COBL: variants seen among roughly 807,000 people sequenced by gnomAD.
COBL encodes protein cordon-bleu.
Under a neutral mutation model 98.8 loss-of-function variants are expected in COBL, and 51 were observed. That is an observed-to-expected ratio of 0.52 (90% CI 0.41 to 0.65). COBL has a LOEUF of 0.65. COBL is among the 30% of genes least tolerant of loss of function. COBL has a pLI of 0.00. For synonymous variants in COBL, 634 were observed against 651.7 expected, an observed-to-expected ratio of 0.97 and a Z score of 0.41; for missense variants, 1,617 against 1,617.5, an observed-to-expected ratio of 1.00 and a Z score of 0.01.
intron 1 of COBL, among the ~76,000 whole-genome samples, chr7:51,263,169 T>C (rs1473432101): frequency 6.6e-6 from 1 of 152,148 alleles, no homozygotes; most frequent in Non-Finnish European, 1.5e-5. Flanking sequence ...AGGGTGGCCC[T>C]GGGAGCAGGT....
chr7:51,034,136 C>T (rs1788404808), intron 8 of COBL: 1 of 152,590 alleles, frequency 6.6e-6, no homozygotes. Flanking sequence ...AGAGGTTGCC[C>T]CGGACGCTGC....
chr7:51,107,045 C>A (rs1477499882), intron 6 of COBL, among the ~76,000 whole-genome samples: 1 of 150,912 alleles, frequency 6.6e-6, no homozygotes, highest in Non-Finnish European at 1.5e-5. Flanking sequence ...GCTTACATAT[C>A]CCTCACCTCA....
intron 5 of COBL, among the ~76,000 whole-genome samples, chr7:51,162,214 T>A (rs1786891357): frequency 6.6e-6 from 1 of 152,158 alleles, no homozygotes; most frequent in African/African-American, 2.4e-5. Context: ...GGAAAATCAA[T>A]ACTGACCATG....
rs765992520 is a variant in COBL, at chr7:51,028,080, C to A, written c.3016G>T (p.Ala1006Ser). The A allele has an allele frequency of 6.2e-7, 1 of 1,613,596 alleles. No individual in the cohort carries two copies. The highest frequency in any genetic ancestry group is 1.1e-5 in the South Asian group (1 of 90,946). Residue 1006 changes from alanine to serine, a missense_variant, in exon 10 of 13, where the codon GCC becomes TCC. By Grantham distance (99) the Ala-to-Ser change is moderately conservative. Transcript: ENST00000265136. ...CGTCTGGGCTCAGATGCTGAGCTGG[C>A]CTCCTGGCTACTTGTGCTTTGCTTT... ...SGKQSTSSQE[A>S]SSASEPRRAP...
At chr7:51,145,924 T>G (rs1014222324) in intron 5 of COBL, among the ~76,000 whole-genome samples, 2 of 152,158 alleles carry the variant, frequency 1.3e-5, no homozygotes, top group African/African-American at 4.8e-5. Flanking sequence ...TTACTCCCAC[T>G]AGGCATCTGT....
chr7:51,208,044 C>T (rs969133518), intron 2 of COBL, among the ~76,000 whole-genome samples: 19 of 151,522 alleles, frequency 1.3e-4, no homozygotes, highest in African/African-American at 4.6e-4. Context: ...TGCCTGGCCG[C>T]CCATTGTCTG....
chr7:51,262,038 G>C (rs1042175351), intron 1 of COBL, among the ~76,000 whole-genome samples: 1 of 152,216 alleles, frequency 6.6e-6, no homozygotes, highest in Non-Finnish European at 1.5e-5. Context: ...TGCCAGGAGA[G>C]GGGTTGGGAT....
rs1438689262 is a variant in COBL, at chr7:51,028,335, C to CT, written c.2760dup (p.Glu921ArgfsTer31). On this transcript the variant is annotated frameshift_variant, in exon 10 of 13. Transcript: ENST00000265136. LOFTEE classifies it high-confidence loss of function. ...GCACCATCCTTCCATCCTTGTGTCT[C>CT]TGAGTGTGGGCTGGATGTCCTGTCA... 1 of 1,614,254 alleles carries CT rather than the reference C, an allele frequency of 6.2e-7. No individual in the cohort carries two copies. Among genetic ancestry groups the CT allele is most frequent in the South Asian group, 1.1e-5 (1 of 91,092 alleles).
rs544687039 is a variant in COBL, at chr7:51,278,418, T to G, written c.41+38175A>C. On this transcript the variant is annotated intron_variant, in intron 1 of 12. Coordinates refer to ENST00000265136, the MANE Select transcript of COBL (RefSeq NM_015198.5). ...TTTTTTGAGACACAGTCTCACTCTG[T>G]CGCCAGGCTGGAGTGCAATGGCGCG... 2.7e-5 allele frequency among the ~76,000 whole-genome samples: 4 copies of G among 149,428 alleles called. No individual in the cohort carries two copies. In the East Asian group the frequency reaches 8.0e-4, roughly 30 times the overall value.
chr7:51,245,760 C>T (rs1796229826), intron 1 of COBL, among the ~76,000 whole-genome samples: 1 of 152,056 alleles, frequency 6.6e-6, no homozygotes, highest in South Asian at 2.1e-4. Flanking sequence ...TAGCTAAAAG[C>T]AAGGCTGGGA....
intron 6 of COBL, among the ~76,000 whole-genome samples, chr7:51,120,736 G>GTT (rs1206574438): frequency 6.6e-6 from 1 of 152,012 alleles, no homozygotes. Flanking sequence ...CATGGCATTT[G>GTT]TGTATTTGTC....
At chr7:51,243,976 T>A (rs1268129190) in intron 1 of COBL, among the ~76,000 whole-genome samples, 1 of 152,144 alleles carries the variant, frequency 6.6e-6, no homozygotes, top group Non-Finnish European at 1.5e-5. Flanking sequence ...TAACCTCCTG[T>A]GAATCTTCAA....
At chr7:51,195,502 T>C (rs1790510385) in intron 2 of COBL, among the ~76,000 whole-genome samples, 1 of 152,158 alleles carries the variant, frequency 6.6e-6, no homozygotes, top group Non-Finnish European at 1.5e-5. Context: ...TTTGGGTTTG[T>C]TTTTTGGTTC....
intron 11 of COBL, 47 bp downstream of exon 11, chr7:51,026,499 G>A: frequency 6.2e-7 from 1 of 1,602,164 alleles, no homozygotes; most frequent in Non-Finnish European, 8.5e-7. Context: ...AAGAAGGGGT[G>A]GGTGGGTTTG....
At chr7:51,075,049 G>C (rs1792932822) in intron 7 of COBL, among the ~76,000 whole-genome samples, 1 of 152,158 alleles carries the variant, frequency 6.6e-6, no homozygotes, top group South Asian at 2.1e-4. Context: ...CAGACAGTAA[G>C]ATGAGAATAA....
In COBL at chr7:51,153,044, G is replaced by A. The variant is rs180813029; in HGVS notation, c.784-16713C>T. The stretch of plus-strand genomic sequence containing the variant: ...TATCACTAGCCTACTATTGTATATC[G>A]TAAGGTTAAATTCATACATAGTTAG... On this transcript the variant is annotated intron_variant, in intron 5 of 12. Transcript: ENST00000265136. 1.3e-4 allele frequency among the ~76,000 whole-genome samples: 20 copies of A among 152,242 alleles called. No individual in the cohort carries two copies. In the East Asian group the frequency reaches 2.7e-3, roughly 21 times the overall value.
chr7:51,259,322 G>T, intron 1 of COBL: 1 of 192,162 alleles, frequency 5.2e-6, no homozygotes, highest in Non-Finnish European at 1.0e-5. Context: ...CCAATCTCAC[G>T]GTTACTAATA....
intron 1 of COBL, among the ~76,000 whole-genome samples, chr7:51,266,752 C>T (rs1369032131): frequency 6.6e-6 from 1 of 152,174 alleles, no homozygotes; most frequent in African/African-American, 2.4e-5. Flanking sequence ...CAAGCACCCA[C>T]ACACAGTTTT....
rs566675723 is a variant in COBL at position 51,181,903 on chromosome 7, C to T, written c.783+2199G>A. Among the ~76,000 whole-genome samples, 12 of 152,328 alleles carry T rather than the reference C, an allele frequency of 7.9e-5. 1 individual carries two copies. The highest frequency in any genetic ancestry group is 2.1e-4 in the South Asian group (1 of 4,830). On this transcript the variant is annotated intron_variant, in intron 5 of 12. Coordinates refer to ENST00000265136, the MANE Select transcript of COBL (RefSeq NM_015198.5). ...ACGGACGGGACTGGATCACTGACTG[C>T]GCCTTCACTGCTGTGTTGCCAGATG... is the stretch of plus-strand genomic sequence containing the variant.
Sources: gnomAD v4.1 joint callset for allele counts (sites outside exome capture counted in the v4.1 genomes callset) on GRCh38, gnomAD v4.1.1 for gene constraint, MANE v1.5 for transcripts, NCBI Gene and HGNC (gene_info 2026-07-23, HGNC 2026-07-21) for gene names.